The following PGBD2 variants were observed in gnomAD, a reference collection of about 807,000 sequenced individuals.
PGBD2 encodes the protein piggyBac transposable element derived 2.
In PGBD2, 6 loss-of-function variants were observed where a neutral mutation model predicts 8.1. The observed-to-expected ratio is 0.74, with a 90% confidence interval of 0.40 to 1.46. PGBD2 has a LOEUF of 1.46. PGBD2 is among the 40% of genes most tolerant of loss of function. PGBD2 has a pLI of 0.02. For synonymous variants in PGBD2, 318 were observed against 272.2 expected, an observed-to-expected ratio of 1.17 and a Z score of -1.66; for missense variants, 802 against 739.0, an observed-to-expected ratio of 1.09 and a Z score of -0.99.
At chr1:248,874,325 C>T in the PGBD2 span, among the ~76,000 whole-genome samples, 3 of 152,150 alleles carry the variant, frequency 2.0e-5, no homozygotes, top group African/African-American at 4.8e-5. Context: ...GGAAAGTAAG[C>T]CGTTTTAAAA....
Position 248,917,790 on chromosome 1 carries a change from C to T in PGBD2, c.1206C>T (p.Val402=), listed in dbSNP as rs771012383. The change falls in exon 3 of 3, where the codon GTC becomes GTT. Residue 402 remains valine, a synonymous_variant. Transcript: ENST00000329291. ...KMKRGSFDYK[V]DESEEIIVCR... is the part of the protein sequence containing the mutation. ...AGAGGGGTTCATTTGATTACAAAGT[C>T]GATGAGAGTGAGGAGATCATCGTGT... 9 of 1,614,160 alleles carry T rather than the reference C, an allele frequency of 5.6e-6. No individual in the cohort carries two copies. The South Asian group carries it at 9.9e-5, about 18-fold the overall frequency.
chr1:248,894,858 C>T, the PGBD2 span, among the ~76,000 whole-genome samples: 11 of 151,814 alleles, frequency 7.2e-5, no homozygotes, highest in African/African-American at 2.7e-4. Context: ...TGCAATGACA[C>T]AATCATAGCT....
intron 1 of PGBD2, among the ~76,000 whole-genome samples, chr1:248,908,147 G>T (rs1243030268): frequency 6.6e-6 from 1 of 152,120 alleles, no homozygotes; most frequent in Non-Finnish European, 1.5e-5. Flanking sequence ...TTTCCATTTT[G>T]TAATTTAGGT....
the PGBD2 span, among the ~76,000 whole-genome samples, chr1:248,894,824 C>T: frequency 2.0e-5 from 3 of 151,358 alleles, no homozygotes; most frequent in South Asian, 2.1e-4. Context: ...GATGAGGTCT[C>T]GCTCTGATTG....
the PGBD2 span, among the ~76,000 whole-genome samples, chr1:248,886,399 T>C: frequency 2.0e-5 from 3 of 152,240 alleles, no homozygotes; most frequent in South Asian, 2.1e-4. Flanking sequence ...AGGATGACTG[T>C]TGATTTAGTA....
At chr1:248,882,894 C>T in the PGBD2 span, among the ~76,000 whole-genome samples, 88 of 152,170 alleles carry the variant, frequency 5.8e-4, no homozygotes, top group African/African-American at 2.0e-3. Flanking sequence ...TCTTTTATTC[C>T]GTAGCAATAG....
At chr1:248,881,903 T>C in the PGBD2 span, among the ~76,000 whole-genome samples, 1 of 152,218 alleles carries the variant, frequency 6.6e-6, no homozygotes, top group Non-Finnish European at 1.5e-5. Flanking sequence ...TAGTTTCCTT[T>C]AATATAAGTT....
Position 248,918,556 on chromosome 1 carries a change from T to A in PGBD2, c.*193T>A. On this transcript the variant is annotated 3_prime_UTR_variant, in exon 3 of 3. Transcript: ENST00000329291. ...TATGCCTACATGTGATATAAATTAA[T>A]ATTTATATTCATTTATATTTATATT... The A allele has an allele frequency of 2.9e-6, 1 of 345,538 alleles. No homozygotes were observed. 21.4% of individuals were successfully genotyped at this position (345,538 alleles called of 1,614,324 possible).
intron 1 of PGBD2, among the ~76,000 whole-genome samples, chr1:248,908,827 G>A (rs1043425636): frequency 1.3e-5 from 2 of 151,838 alleles, no homozygotes; most frequent in African/African-American, 4.8e-5. Flanking sequence ...TGCTTCTCCT[G>A]TGCTGTGCCT....
the PGBD2 span, among the ~76,000 whole-genome samples, chr1:248,883,840 G>A: frequency 1.9e-4 from 29 of 150,614 alleles, no homozygotes; most frequent in East Asian, 3.4e-3. Flanking sequence ...CTCATGATCC[G>A]CCCGCCTCGG....
chr1:248,881,401 T>C, the PGBD2 span, among the ~76,000 whole-genome samples: 1 of 152,238 alleles, frequency 6.6e-6, no homozygotes, highest in East Asian at 1.9e-4. Flanking sequence ...CTATGTGTGA[T>C]GACAAAATGG....
the PGBD2 span, among the ~76,000 whole-genome samples, chr1:248,900,221 T>C: frequency 6.6e-6 from 1 of 151,932 alleles, no homozygotes; most frequent in African/African-American, 2.4e-5. Flanking sequence ...GAGGGACTCC[T>C]CCCTAATTCA....
the PGBD2 span, among the ~76,000 whole-genome samples, chr1:248,873,970 T>C: frequency 6.6e-6 from 1 of 152,186 alleles, no homozygotes; most frequent in East Asian, 1.9e-4. Context: ...ACATTCGTTT[T>C]ATTAGCATTT....
upstream of PGBD2, among the ~76,000 whole-genome samples, chr1:248,905,948 C>T (rs1389329177): frequency 3.3e-5 from 5 of 152,080 alleles, no homozygotes; most frequent in African/African-American, 1.2e-4. Context: ...AGATTGGGGG[C>T]ACATTTGAGA....
chr1:248,903,129 CT>C (rs1227116534), upstream of PGBD2, among the ~76,000 whole-genome samples: 1 of 152,068 alleles, frequency 6.6e-6, no homozygotes, highest in African/African-American at 2.4e-5. Context: ...TTCCAAATTT[CT>C]GGGATTTCAG....
intron 1 of PGBD2, among the ~76,000 whole-genome samples, chr1:248,913,150 C>T (rs1661972355): frequency 6.6e-6 from 1 of 152,024 alleles, no homozygotes; most frequent in African/African-American, 2.4e-5. Flanking sequence ...GTTGGCCTTC[C>T]TCTCCCCCCT....
chr1:248,916,039 G>A (rs934120415), intron 2 of PGBD2, among the ~76,000 whole-genome samples: 2 of 152,172 alleles, frequency 1.3e-5, no homozygotes, highest in Non-Finnish European at 2.9e-5. Flanking sequence ...CTGCTTTAGA[G>A]TACATCGTTT....
chr1:248,895,554 T>G, the PGBD2 span, among the ~76,000 whole-genome samples: 1 of 152,128 alleles, frequency 6.6e-6, no homozygotes, highest in South Asian at 2.1e-4. Context: ...AGGGTATTTT[T>G]TTTTCTTCAT....
chr1:248,925,180 C>A, the PGBD2 span, among the ~76,000 whole-genome samples: 3 of 152,030 alleles, frequency 2.0e-5, no homozygotes, highest in Non-Finnish European at 4.4e-5. Flanking sequence ...AAGGTTAGGT[C>A]AAAAAACCAA....
Sources: gnomAD v4.1 joint callset for allele counts (sites outside exome capture counted in the v4.1 genomes callset) on GRCh38, gnomAD v4.1.1 for gene constraint, MANE v1.5 for transcripts, NCBI Gene and HGNC (gene_info 2026-07-23, HGNC 2026-07-21) for gene names.